HS3ST1: variants seen among roughly 807,000 people sequenced by gnomAD.
The protein encoded by HS3ST1 is heparan sulfate glucosamine 3-O-sulfotransferase 1.
HS3ST1 carries 8 observed loss-of-function variants against 20.7 expected under a neutral mutation model. The observed-to-expected ratio is 0.39, with a 90% confidence interval of 0.23 to 0.70. The LOEUF (loss-of-function observed/expected upper bound fraction) is 0.70. Among genes scored for constraint, HS3ST1 ranks in the 30% least tolerant of loss-of-function variants. The pLI is 0.46. For synonymous variants in HS3ST1, 205 were observed against 190.4 expected (o/e 1.08, Z -0.63); for missense variants, 436 against 423.4 (o/e 1.03, Z -0.26).
intron 1 of HS3ST1, among the ~76,000 whole-genome samples, chr4:11,411,475 A>G (rs1718632913): frequency 6.6e-6 from 1 of 152,224 alleles, no homozygotes; most frequent in Non-Finnish European, 1.5e-5. Context: ...GTAAATTAGT[A>G]TCTCATTTGC....
chr4:11,411,371 A>G (rs780028326), intron 1 of HS3ST1, among the ~76,000 whole-genome samples: 1 of 152,214 alleles, frequency 6.6e-6, no homozygotes, highest in Non-Finnish European at 1.5e-5. Context: ...ACATATACAC[A>G]CCACTGTGAT....
At chr4:11,405,312 C>T (rs1339466330) in intron 1 of HS3ST1, among the ~76,000 whole-genome samples, 1 of 152,154 alleles carries the variant, frequency 6.6e-6, no homozygotes, top group African/African-American at 2.4e-5. Context: ...GATTAAGGTC[C>T]TTCCTATCAG....
chr4:11,400,142 A>G, intron 1 of HS3ST1, 29 bp from the exon 2 acceptor site: 1 of 1,416,830 alleles, frequency 7.1e-7, no homozygotes, highest in East Asian at 2.5e-5. Context: ...AGATATTAAC[A>G]TATAACAAAT....
In HS3ST1 at chr4:11,402,342, G is replaced by A. The variant is rs79382685; in HGVS notation, c.-108-2229C>T. Among the ~76,000 whole-genome samples, 325 of 152,312 alleles carry A rather than the reference G, an allele frequency of 2.1e-3. 5 individuals are homozygous for A. Among genetic ancestry groups the A allele is most frequent in the African/African-American group, 7.5e-3 (311 of 41,570 alleles). On this transcript the variant is annotated intron_variant, in intron 1 of 1. Transcript: ENST00000002596. ...AATCAAGAATGCTTTAGAAAGGATA[G>A]CCAAGAACGATGAGGTTTCAGGTTG...
chr4:11,408,475 GA>G (rs1718529712), intron 1 of HS3ST1, among the ~76,000 whole-genome samples: 1 of 152,216 alleles, frequency 6.6e-6, no homozygotes, highest in Non-Finnish European at 1.5e-5. Context: ...GTGACACATA[GA>G]AATAATTTAG....
At chr4:11,407,422 A>G (rs1718496701) in intron 1 of HS3ST1, among the ~76,000 whole-genome samples, 1 of 152,166 alleles carries the variant, frequency 6.6e-6, no homozygotes, top group African/African-American at 2.4e-5. Flanking sequence ...GTTTAACTGG[A>G]TAATAAATTG....
chr4:11,405,957 T>C (rs968643907), intron 1 of HS3ST1, among the ~76,000 whole-genome samples: 1 of 152,214 alleles, frequency 6.6e-6, no homozygotes, highest in African/African-American at 2.4e-5. Context: ...GAGGTACATT[T>C]AATGAATCTG....
chr4:11,403,401 CATT>C (rs1718380281), intron 1 of HS3ST1, among the ~76,000 whole-genome samples: 1 of 152,128 alleles, frequency 6.6e-6, no homozygotes, highest in Admixed American at 6.5e-5. Flanking sequence ...ACCTGTAAGC[CATT>C]CCTGTGTGCC....
intron 1 of HS3ST1, chr4:11,428,359 A>C (rs1381585795): frequency 2.0e-5 from 3 of 152,280 alleles, no homozygotes; most frequent in African/African-American, 7.2e-5. Context: ...TCCTATGGTG[A>C]AGCTGCGGTC....
chr4:11,407,689 T>C (rs957709305), intron 1 of HS3ST1, among the ~76,000 whole-genome samples: 1 of 152,236 alleles, frequency 6.6e-6, no homozygotes, highest in African/African-American at 2.4e-5. Context: ...ACTAAAGATT[T>C]CCTCCTGGGA....
intron 1 of HS3ST1, among the ~76,000 whole-genome samples, chr4:11,417,974 A>C (rs527397891): frequency 5.5e-4 from 84 of 152,320 alleles, no homozygotes; most frequent in Admixed American, 2.1e-3. Flanking sequence ...TTTGTGCCTC[A>C]GTTTCCTATT....
chr4:11,409,859 A>G (rs1339704769), intron 1 of HS3ST1, among the ~76,000 whole-genome samples: 1 of 152,164 alleles, frequency 6.6e-6, no homozygotes, highest in Non-Finnish European at 1.5e-5. Flanking sequence ...GGTGGCAATC[A>G]GCTGTGTGTG....
At chr4:11,426,249 G>A (rs1719056125) in intron 1 of HS3ST1, among the ~76,000 whole-genome samples, 1 of 152,092 alleles carries the variant, frequency 6.6e-6, no homozygotes, top group Non-Finnish European at 1.5e-5. Context: ...GAAAGGCAGT[G>A]TGCATGAGTG....
chr4:11,420,575 T>C (rs996041211), intron 1 of HS3ST1, among the ~76,000 whole-genome samples: 1 of 152,258 alleles, frequency 6.6e-6, no homozygotes, highest in African/African-American at 2.4e-5. Context: ...AATAAGGTTC[T>C]ATCTTAGCGG....
At chr4:11,412,392 G>T (rs1718660366) in intron 1 of HS3ST1, among the ~76,000 whole-genome samples, 1 of 152,190 alleles carries the variant, frequency 6.6e-6, no homozygotes, top group Non-Finnish European at 1.5e-5. Context: ...GGTTGATCAT[G>T]CATGGCTCTC....
intron 1 of HS3ST1, among the ~76,000 whole-genome samples, chr4:11,401,790 C>G (rs544485960): frequency 6.6e-6 from 1 of 152,318 alleles, no homozygotes; most frequent in South Asian, 2.1e-4. Flanking sequence ...CTCCTCTTTA[C>G]CTATTTAAGA....
At chr4:11,400,158 G>A in intron 1 of HS3ST1, 45 bp from the exon 2 acceptor site, 1 of 1,397,702 alleles carries the variant, frequency 7.2e-7, no homozygotes, top group Non-Finnish European at 9.3e-7. Context: ...CAAATACAGG[G>A]ATAATTCAAC....
At position 11,399,161 on chromosome 4, in the gene HS3ST1, A is replaced by G. The variant is rs1718232107; in HGVS notation, c.845T>C (p.Leu282Pro). The change falls in exon 2 of 2, where the codon CTC (leucine) becomes CCC (proline). Residue 282 changes from leucine to proline, a missense_variant. Physicochemically the swap from Leu to Pro is moderately conservative, Grantham distance 98 (BLOSUM62 -3). Coordinates refer to ENST00000002596, the MANE Select transcript of HS3ST1 (RefSeq NM_005114.4). This position sits in a 1 kb window ranked among gnomAD's most constrained non-coding sequence, Gnocchi z 5.1. ...ATGAAAATATTCGTGCAGTTTATTGAGTAGTTTGGGATCGACTTGGGGGTG... is the reference window on the plus strand; with the variant it reads ...ATGAAAATATTCGTGCAGTTTATTGGGTAGTTTGGGATCGACTTGGGGGTG... ...RAHPQVDPKL[L>P]NKLHEYFHEP... is the part of the protein sequence containing the mutation. The G allele has an allele frequency of 5.6e-6, 9 of 1,614,050 alleles. No homozygotes were observed. The highest frequency in any genetic ancestry group is 3.4e-6 in the Non-Finnish European group (4 of 1,180,038).
At position 11,395,253 on chromosome 4, in the gene HS3ST1, G is replaced by C. The variant is rs1448566132; in HGVS notation, c.*3829C>G. The C allele has an allele frequency of 6.6e-6, 1 of 151,972 alleles. No individual in the cohort carries two copies. The highest frequency in any genetic ancestry group is 1.5e-5 in the Non-Finnish European group (1 of 67,990). The allele number at this position is 151,972 out of a possible 1,614,324, so 9.4% of individuals were successfully genotyped here. On this transcript the variant is annotated 3_prime_UTR_variant, in exon 2 of 2. Transcript: ENST00000002596. ...CTGTGGCCCACAAGTTAAGTGACCT[G>C]CCCTGACATGCGACCTCTGGGAAGA...
Sources: allele counts gnomAD v4.1 joint callset (sites outside exome capture counted in the v4.1 genomes callset), GRCh38; gene constraint gnomAD v4.1.1; non-coding constraint Gnocchi (gnomAD v3.1); transcripts MANE v1.5; gene names NCBI Gene and HGNC (gene_info 2026-07-23, HGNC 2026-07-21).